Variants in SNX24 observed in about 807,000 individuals in gnomAD.
SNX24 encodes the protein sorting nexin 24, also known as sorting nexin-24.
Under a neutral mutation model 28.7 loss-of-function variants are expected in SNX24, and 22 were observed. The ratio of observed to expected loss-of-function variants is 0.77; its 90% CI spans 0.55 to 1.10. SNX24 has a LOEUF of 1.10. Ranked by LOEUF, SNX24 falls within the 50% of genes least tolerant of loss-of-function variation. The probability of loss-of-function intolerance (pLI) is 0.00; values close to 1 mark genes in which losing one functional copy is unlikely to be tolerated. For synonymous variants in SNX24, 69 were observed against 71.5 expected (o/e 0.96, Z 0.18); for missense variants, 221 against 201.1 (o/e 1.10, Z -0.60).
chr5:122,986,557 G>A (rs913110475), intron 3 of SNX24, among the ~76,000 whole-genome samples: 14 of 152,146 alleles, frequency 9.2e-5, no homozygotes, highest in African/African-American at 3.1e-4. Context: ...GAGGTTAGAA[G>A]TGATTTAGCA....
intron 5 of SNX24, chr5:123,028,802 C>T (rs1762900025): frequency 2.5e-6 from 4 of 1,613,780 alleles, no homozygotes; most frequent in Non-Finnish European, 3.4e-6. Flanking sequence ...GTGGTGATGT[C>T]ACCTCCTTGA....
chr5:122,947,459 G>A (rs1371628951), intron 3 of SNX24, among the ~76,000 whole-genome samples: 1 of 152,130 alleles, frequency 6.6e-6, no homozygotes, highest in East Asian at 1.9e-4. Flanking sequence ...TAATAGGAAA[G>A]CTGACATGCA....
At chr5:122,978,547 G>A (rs1469571767) in intron 3 of SNX24, among the ~76,000 whole-genome samples, 2 of 152,128 alleles carry the variant, frequency 1.3e-5, no homozygotes, top group African/African-American at 4.8e-5. Context: ...AAAGTTCCCA[G>A]CTTTTTTAGT....
chr5:122,931,672 A>G (rs17149748), intron 1 of SNX24, among the ~76,000 whole-genome samples: 17,765 of 152,084 alleles, frequency 0.12, 1,448 homozygotes, highest in East Asian at 0.36. Flanking sequence ...GTTGTCCTTC[A>G]TGTATATTTC....
intron 1 of SNX24, among the ~76,000 whole-genome samples, chr5:122,856,090 G>A (rs1755177138): frequency 6.6e-6 from 1 of 152,182 alleles, no homozygotes; most frequent in African/African-American, 2.4e-5. Context: ...GTACCCAATA[G>A]GTAGGTTTTT....
At chr5:122,922,932 T>C (rs541660618) in intron 1 of SNX24, among the ~76,000 whole-genome samples, 2 of 152,210 alleles carry the variant, frequency 1.3e-5, no homozygotes, top group African/African-American at 4.8e-5. Context: ...TCAAAAATAC[T>C]TGGATAAAGG....
intron 1 of SNX24, among the ~76,000 whole-genome samples, chr5:122,898,193 G>A (rs1446357749): frequency 6.6e-6 from 1 of 152,190 alleles, no homozygotes; most frequent in Non-Finnish European, 1.5e-5. Flanking sequence ...TGATGACTGA[G>A]TGTGCCCGTG....
At chr5:122,940,363 C>A (rs1169760662) in intron 2 of SNX24, among the ~76,000 whole-genome samples, 3 of 152,086 alleles carry the variant, frequency 2.0e-5, no homozygotes, top group African/African-American at 7.2e-5. Flanking sequence ...ATTACTTTAA[C>A]CATTTCAGAT....
At chr5:122,923,375 A>G (rs1758530264) in intron 1 of SNX24, among the ~76,000 whole-genome samples, 1 of 152,036 alleles carries the variant, frequency 6.6e-6, no homozygotes, top group Non-Finnish European at 1.5e-5. Flanking sequence ...AAAAAGAAGA[A>G]TTAAAATTCT....
chr5:122,858,333 C>T (rs77624341), intron 1 of SNX24, among the ~76,000 whole-genome samples: 4 of 152,098 alleles, frequency 2.6e-5, no homozygotes, highest in South Asian at 4.2e-4. Context: ...GGAAAAATGC[C>T]GCCGATAGGC....
downstream of SNX24, among the ~76,000 whole-genome samples, chr5:123,010,322 G>T (rs1762548845): frequency 1.3e-5 from 2 of 149,894 alleles, no homozygotes; most frequent in African/African-American, 4.9e-5. Context: ...ACGGAGTCTT[G>T]CTCTGTTGCC....
intron 1 of SNX24, among the ~76,000 whole-genome samples, chr5:122,859,470 T>G (rs2150040222): frequency 6.6e-6 from 1 of 152,224 alleles, no homozygotes; most frequent in South Asian, 2.1e-4. Flanking sequence ...CTGGGCATAG[T>G]GGTATGTACC....
intron 3 of SNX24, among the ~76,000 whole-genome samples, chr5:122,951,747 T>C (rs1759951808): frequency 6.6e-6 from 1 of 152,158 alleles, no homozygotes; most frequent in African/African-American, 2.4e-5. Context: ...GGTGGGAGCA[T>C]GTGAGTGGAT....
chr5:122,955,380 C>T (rs1760158560), intron 3 of SNX24, among the ~76,000 whole-genome samples: 1 of 152,102 alleles, frequency 6.6e-6, no homozygotes, highest in Admixed American at 6.5e-5. Context: ...CTCTGTCATC[C>T]TAATGTTGGA....
At chr5:122,937,557 C>G (rs1759232304) in intron 2 of SNX24, among the ~76,000 whole-genome samples, 1 of 152,168 alleles carries the variant, frequency 6.6e-6, no homozygotes, top group African/African-American at 2.4e-5. Flanking sequence ...AGAAATACCT[C>G]ATGAAATTGC....
chr5:122,889,813 A>G (rs1432957113), intron 1 of SNX24, among the ~76,000 whole-genome samples: 3 of 150,858 alleles, frequency 2.0e-5, no homozygotes, highest in African/African-American at 7.3e-5. Flanking sequence ...ATCTCTTAAC[A>G]TAATCACGGT....
chr5:122,854,705 A>T (rs1045345244), intron 1 of SNX24, among the ~76,000 whole-genome samples: 1 of 152,104 alleles, frequency 6.6e-6, no homozygotes, highest in Admixed American at 6.5e-5. Flanking sequence ...TATCCTGGAG[A>T]TCACTGCACA....
chr5:122,847,500 C>CTTTTTTT (rs1274662856), intron 1 of SNX24, among the ~76,000 whole-genome samples: 5 of 36,972 alleles, frequency 1.4e-4, no homozygotes, highest in South Asian at 2.6e-3. Context: ...ATCTCTCTCT[C>CTTTTTTT]TCTTTTTTTT....
At chr5:122,897,456 A>G (rs1277519990) in intron 1 of SNX24, among the ~76,000 whole-genome samples, 1 of 152,226 alleles carries the variant, frequency 6.6e-6, no homozygotes, top group African/African-American at 2.4e-5. Flanking sequence ...GAATTAGAAG[A>G]CAGCATATAG....
Sources: allele counts gnomAD v4.1 joint callset (sites outside exome capture counted in the v4.1 genomes callset), GRCh38; gene constraint gnomAD v4.1.1; transcripts MANE v1.5; gene names NCBI Gene and HGNC (gene_info 2026-07-23, HGNC 2026-07-21).